The following VMP1 variants were observed in gnomAD, a reference collection of about 807,000 sequenced individuals.
VMP1 encodes ectopic P-granules autophagy protein 3 homolog.
VMP1 carries 11 observed loss-of-function variants against 56.0 expected under a neutral mutation model. The ratio of observed to expected loss-of-function variants is 0.20; its 90% confidence interval spans 0.12 to 0.32. VMP1 has a LOEUF of 0.32. Among genes scored for constraint, VMP1 ranks in the 10% least tolerant of loss-of-function variants. The pLI is 1.00. For missense variants in VMP1, 296 were observed against 490.3 expected (o/e 0.60, Z 3.74); for synonymous variants, 149 against 165.0 (o/e 0.90, Z 0.74).
At chr17:59,736,898 G>A (rs947798904) in intron 3 of VMP1, among the ~76,000 whole-genome samples, 7 of 151,550 alleles carry the variant, frequency 4.6e-5, no homozygotes, top group Non-Finnish European at 7.4e-5. Context: ...AAAATTAGCC[G>A]GGCATGGTGG....
chr17:59,774,783 C>T lies in VMP1; in HGVS notation c.714+898C>T, dbSNP rs113704899. 2.9e-3 allele frequency among the ~76,000 whole-genome samples: 437 copies of T among 152,094 alleles called. 3 individuals are homozygous for T. Among genetic ancestry groups the T allele is most frequent in the African/African-American group, 9.5e-3 (394 of 41,492 alleles). On this transcript the variant is annotated intron_variant, in intron 7 of 11. Coordinates refer to ENST00000262291, the MANE Select transcript of VMP1 (RefSeq NM_030938.5). ...CTGCAGCTTCAAACTCTTATATAAA[C>T]ATAGCTTACTGCAGCTTCAAACTCT...
intron 10 of VMP1, among the ~76,000 whole-genome samples, chr17:59,822,629 A>G (rs2038495005): frequency 6.6e-6 from 1 of 152,056 alleles, no homozygotes; most frequent in African/African-American, 2.4e-5. Flanking sequence ...CCAGCCAGAA[A>G]TGCTTTTAAA....
chr17:59,761,184 A>G (rs2036040702), intron 5 of VMP1, among the ~76,000 whole-genome samples: 1 of 152,214 alleles, frequency 6.6e-6, no homozygotes, highest in Admixed American at 6.5e-5. Flanking sequence ...TACAGGCGTG[A>G]GCCACCGCAC....
intron 1 of VMP1, among the ~76,000 whole-genome samples, chr17:59,724,884 T>G (rs931651591): frequency 6.6e-6 from 1 of 151,684 alleles, no homozygotes; most frequent in African/African-American, 2.4e-5. Context: ...GAGAATGGCA[T>G]GAACCCGGGA....
chr17:59,802,022 G>A (rs546038349), intron 7 of VMP1, among the ~76,000 whole-genome samples: 85 of 152,090 alleles, frequency 5.6e-4, no homozygotes, highest in East Asian at 1.7e-3. Context: ...CCAACATCGC[G>A]AAACCCCATC....
At chr17:59,718,184 CTTTTTT>C (rs971095445) in intron 1 of VMP1, among the ~76,000 whole-genome samples, 1 of 79,252 alleles carries the variant, frequency 1.3e-5, no homozygotes, top group African/African-American at 4.5e-5. Context: ...TCCCTCCCTC[CTTTTTT>C]TTTTTTTTTT....
chr17:59,834,664 G>A (rs2038923438), intron 10 of VMP1, among the ~76,000 whole-genome samples: 1 of 147,170 alleles, frequency 6.8e-6, no homozygotes, highest in Admixed American at 6.9e-5. Context: ...TTGCTGAGCT[G>A]CCCAGGCTGG....
At chr17:59,786,562 C>T (rs970784768) in intron 7 of VMP1, among the ~76,000 whole-genome samples, 2 of 152,142 alleles carry the variant, frequency 1.3e-5, no homozygotes, top group Admixed American at 6.5e-5. Flanking sequence ...GTTGCTGGGA[C>T]CTGTTTTTGA....
intron 6 of VMP1, among the ~76,000 whole-genome samples, chr17:59,770,642 G>A: frequency 6.6e-6 from 1 of 150,878 alleles, no homozygotes; most frequent in East Asian, 1.9e-4. Flanking sequence ...GGAGTGCAAT[G>A]GCACAATCTC....
chr17:59,796,142 C>A (rs1330783242), intron 7 of VMP1, among the ~76,000 whole-genome samples: 1 of 152,132 alleles, frequency 6.6e-6, no homozygotes, highest in Non-Finnish European at 1.5e-5. Flanking sequence ...CATACACATA[C>A]CCTAAATTAG....
intron 7 of VMP1, among the ~76,000 whole-genome samples, chr17:59,789,133 A>G (rs914455778): frequency 6.6e-6 from 1 of 151,658 alleles, no homozygotes. Flanking sequence ...TACTAAAAAT[A>G]CAAAAAATTA....
intron 5 of VMP1, among the ~76,000 whole-genome samples, chr17:59,752,364 A>C (rs2035687211): frequency 6.6e-6 from 1 of 152,216 alleles, no homozygotes; most frequent in South Asian, 2.1e-4. Flanking sequence ...CGGAAGAGAC[A>C]TAGTGAGCCT....
intron 7 of VMP1, among the ~76,000 whole-genome samples, chr17:59,792,873 AATAATTATTATTATT>A (rs1568157807): frequency 6.7e-5 from 3 of 44,804 alleles, no homozygotes; most frequent in African/African-American, 9.4e-5. Context: ...TAATAATAAT[AATAATTATTATTATT>A]ATTATCAGAT....
At position 59,826,941 on chromosome 17, in the gene VMP1, A is replaced by C. The variant is rs115624974; in HGVS notation, c.974+9168A>C. 6.4e-3 allele frequency among the ~76,000 whole-genome samples: 971 copies of C among 152,224 alleles called. 8 individuals carry two copies. Among genetic ancestry groups the C allele is most frequent in the African/African-American group, 0.022 (909 of 41,532 alleles). ...GTGAATTTGGTAGGGATGCAGCATG[A>C]ATTCTGTCTATTCTCCTGTGCACAC... On this transcript the variant is annotated intron_variant, in intron 10 of 11. Coordinates refer to ENST00000262291, the MANE Select transcript of VMP1 (RefSeq NM_030938.5).
chr17:59,751,612 G>A (rs1050875924), intron 5 of VMP1, among the ~76,000 whole-genome samples: 17 of 148,228 alleles, frequency 1.1e-4, no homozygotes, highest in Non-Finnish European at 2.5e-4. Context: ...CGTGGTGGGG[G>A]GGGCGCCTGT....
In VMP1 at chr17:59,735,450, A is replaced by G; in HGVS notation, c.189A>G (p.Val63=). 1 of 1,614,128 alleles carries G rather than the reference A, an allele frequency of 6.2e-7. No homozygotes were observed. Among genetic ancestry groups the G allele is most frequent in the South Asian group, 1.1e-5 (1 of 91,084 alleles). Residue 63 remains valine (V), a synonymous_variant, in exon 3 of 12, where the codon GTA becomes GTG. Coordinates refer to ENST00000262291, the MANE Select transcript of VMP1 (RefSeq NM_030938.5). ...TLQYFSLEIL[V]ILKEWTSKLW... is the part of the protein sequence containing the mutation. The stretch of plus-strand genomic sequence containing the variant: ...AGTATTTTTCTCTGGAAATCCTTGT[A>G]ATCTTGAAGGAATGGACCTCAAAGT...
At chr17:59,836,930 G>A (rs903911302) in intron 10 of VMP1, among the ~76,000 whole-genome samples, 6 of 151,928 alleles carry the variant, frequency 3.9e-5, no homozygotes, top group African/African-American at 9.7e-5. Context: ...GGCCAGTCGC[G>A]GTGGCTCACA....
intron 10 of VMP1, among the ~76,000 whole-genome samples, chr17:59,835,933 G>T (rs1161721116): frequency 4.0e-5 from 6 of 149,022 alleles, no homozygotes; most frequent in Admixed American, 6.7e-5. Context: ...TTTATTTCTA[G>T]TCTAAATGGA....
At chr17:59,801,289 A>G (rs1483671803) in intron 7 of VMP1, among the ~76,000 whole-genome samples, 2 of 151,752 alleles carry the variant, frequency 1.3e-5, no homozygotes, top group African/African-American at 4.8e-5. Context: ...TCTGTTGCCC[A>G]GGCTGGAGTG....
Sources: gnomAD v4.1 joint callset for allele counts (sites outside exome capture counted in the v4.1 genomes callset) on GRCh38, gnomAD v4.1.1 for gene constraint, MANE v1.5 for transcripts, NCBI Gene and HGNC (gene_info 2026-07-23, HGNC 2026-07-21) for gene names.